The following TNN variants were observed in gnomAD, a reference collection of about 807,000 sequenced individuals.
TNN encodes the protein tenascin-N.
TNN carries 122 observed loss-of-function variants against 134.4 expected under a neutral mutation model. That is an observed-to-expected ratio of 0.91 (90% CI 0.78 to 1.06). TNN has a LOEUF of 1.06. TNN is among the 50% of genes least tolerant of loss of function. The pLI, the probability that TNN is intolerant of heterozygous loss-of-function variation, is 0.00. For missense variants in TNN, 1,739 were observed against 1,699.4 expected, an observed-to-expected ratio of 1.02 and a Z score of -0.41; for synonymous variants, 710 against 670.3, an observed-to-expected ratio of 1.06 and a Z score of -0.91.
chr1:175,079,614 A>G lies in TNN; in HGVS notation c.691A>G (p.Lys231Glu). 6.2e-7 allele frequency: 1 copy of G among 1,600,814 alleles called. No individual in the cohort carries two copies. Among genetic ancestry groups the G allele is most frequent in the South Asian group, 1.1e-5 (1 of 89,120 alleles). ...CTTCATGTCGGAGGACTGCAGCGAG[A>G]AGCGCTGTCCCGGCGACTGCAGCGG... ...EDFMSEDCSE[K>E]RCPGDCSGHG... The change falls in exon 3 of 19, where the codon AAG becomes GAG. Residue 231 changes from lysine to glutamate, a missense_variant. Coordinates refer to ENST00000239462, the MANE Select transcript of TNN (RefSeq NM_022093.2).
chr1:175,125,343 C>T (rs1051685798), intron 12 of TNN, among the ~76,000 whole-genome samples: 4 of 150,776 alleles, frequency 2.7e-5, no homozygotes, highest in Non-Finnish European at 5.9e-5. Context: ...AGAGAAATTT[C>T]CATTCATATC....
At position 175,109,158 on chromosome 1, in the gene TNN, G is replaced by A. The variant is rs1181573711; in HGVS notation, c.2120-7781G>A. ...CTGCGGACTGCAGTGGCGCAATCTC[G>A]GCTCACTGCAAGCTCCGCTTCCCGG... On this transcript the variant is annotated intron_variant, in intron 9 of 18. Transcript: ENST00000239462. Among the ~76,000 whole-genome samples, 13 of 127,850 alleles carry A rather than the reference G, an allele frequency of 1.0e-4. No individual in the cohort carries two copies. The South Asian group carries it at 1.8e-3, about 18-fold the overall frequency. The allele number at this position is 127,850 out of a possible 152,430, so 83.9% of individuals were successfully genotyped here.
chr1:175,115,328 CCTGAGGAG>C (rs879700841), intron 9 of TNN, among the ~76,000 whole-genome samples: 29,806 of 152,064 alleles, frequency 0.2, 3,026 homozygotes, highest in Non-Finnish European at 0.22. Context: ...GGGGAGCTTC[CCTGAGGAG>C]CTGAAACTAG....
At chr1:175,135,724 A>G in intron 15 of TNN, 121 bp from the exon 16 acceptor site, 2 of 739,596 alleles carry the variant, frequency 2.7e-6, no homozygotes, top group Non-Finnish European at 4.8e-6. Flanking sequence ...AAGCCTCTCT[A>G]GAATGAAAGG....
At chr1:175,088,716 A>G (rs1674374403) in intron 6 of TNN, among the ~76,000 whole-genome samples, 1 of 152,196 alleles carries the variant, frequency 6.6e-6, no homozygotes. Context: ...TCTAGCCACA[A>G]ATTAATTTAA....
intron 3 of TNN, 23 bp downstream of exon 3, chr1:175,079,730 G>C: frequency 6.4e-7 from 1 of 1,552,648 alleles, no homozygotes; most frequent in South Asian, 1.2e-5. Context: ...ATGTGCCCTC[G>C]GGCCGCCGGA....
In TNN at chr1:175,128,756, G is replaced by A. The variant is rs200805839; in HGVS notation, c.3330+10G>A. ...CGGAGGTGGCTGGATTGTGAGTCAC[G>A]CAGAACCCTGGGGAGCTCTGTGTAG... On this transcript the variant is annotated intron_variant, in intron 15 of 18. Transcript: ENST00000239462. 7.0e-4 allele frequency: 1,132 copies of A among 1,609,902 alleles called. 11 individuals carry two copies. The highest frequency in any genetic ancestry group is 5.0e-4 in the Middle Eastern group (3 of 5,980).
chr1:175,108,146 A>G (rs549185833), intron 9 of TNN, among the ~76,000 whole-genome samples: 12 of 152,182 alleles, frequency 7.9e-5, no homozygotes, highest in African/African-American at 2.9e-4. Context: ...GCAGCTAGAT[A>G]CGGAGTGTTG....
In TNN at chr1:175,067,843, C is replaced by T. The variant is rs1414746291; in HGVS notation, c.-128C>T. ...AAGGGAAGCCAAGGAGAGACGAGAACCAGGGACGACCAGCAAGTACCAAGG... is the reference window on the plus strand; with the variant it reads ...AAGGGAAGCCAAGGAGAGACGAGAATCAGGGACGACCAGCAAGTACCAAGG... On this transcript the variant is annotated 5_prime_UTR_variant, in exon 1 of 19. Transcript: ENST00000239462. 3 of 495,108 alleles carry T rather than the reference C, an allele frequency of 6.1e-6. No individual in the cohort carries two copies. The highest frequency in any genetic ancestry group is 1.2e-5 in the Non-Finnish European group (3 of 248,596). The allele number at this position is 495,108 out of a possible 1,614,324, so 30.7% of individuals were successfully genotyped here.
intron 16 of TNN, 121 bp downstream of exon 16, chr1:175,136,062 G>C: frequency 1.4e-6 from 1 of 723,904 alleles, no homozygotes; most frequent in Non-Finnish European, 2.5e-6. Context: ...CAGGGAGACA[G>C]AGGACTGTGC....
chr1:175,117,113 CG>C lies in TNN; in HGVS notation c.2297del (p.Gly766AlafsTer2), dbSNP rs1553317394. The C allele has an allele frequency of 1.5e-5, 25 of 1,614,220 alleles. No individual in the cohort carries two copies. In the Middle Eastern group the frequency reaches 3.0e-3, roughly 192 times the overall value. ...AAGGAGCAGAGTAGCACTGTCCTGACGGGCCTGAGGCCGGGTGTGGAGTACA... is the reference window on the plus strand; with the variant it reads ...AAGGAGCAGAGTAGCACTGTCCTGACGGCCTGAGGCCGGGTGTGGAGTACA... Reference protein sequence around the residue: ...VGKEQSSTVLTGLRPGVEYTV... With the variant: ...VGKEQSSTVLXGLRPGVEYTV... On this transcript the variant is annotated frameshift_variant, in exon 10 of 19. Transcript: ENST00000239462. LOFTEE classifies it high-confidence loss of function.
intron 6 of TNN, among the ~76,000 whole-genome samples, chr1:175,087,067 C>G (rs1009890374): frequency 6.6e-6 from 1 of 152,188 alleles, no homozygotes; most frequent in Middle Eastern, 3.2e-3. Flanking sequence ...ACCCAGGATA[C>G]CCAAGTCTAA....
intron 14 of TNN, 72 bp from the exon 15 acceptor site, chr1:175,128,523 A>C: frequency 6.7e-7 from 1 of 1,489,024 alleles, no homozygotes; most frequent in Non-Finnish European, 9.0e-7. Context: ...AAATTGCCTT[A>C]AAATAGGAAG....
At chr1:175,089,094 T>A (rs1574146240) in intron 6 of TNN, among the ~76,000 whole-genome samples, 1 of 152,094 alleles carries the variant, frequency 6.6e-6, no homozygotes, top group African/African-American at 2.4e-5. Context: ...TTTACCAGCA[T>A]CAAAAAGAAA....
intron 9 of TNN, among the ~76,000 whole-genome samples, chr1:175,102,641 C>T (rs1405373681): frequency 4.8e-5 from 7 of 145,880 alleles, no homozygotes; most frequent in African/African-American, 1.2e-4. Flanking sequence ...CCAGCTGGCC[C>T]GCAAGCACCA....
chr1:175,079,263 G>A, intron 2 of TNN, 70 bp from the exon 3 acceptor site: 1 of 1,493,956 alleles, frequency 6.7e-7, no homozygotes, highest in Non-Finnish European at 8.9e-7. Flanking sequence ...TTGCATGGCT[G>A]ATCTCAGAGG....
At chr1:175,129,580 T>C (rs1675625326) in intron 15 of TNN, among the ~76,000 whole-genome samples, 1 of 151,546 alleles carries the variant, frequency 6.6e-6, no homozygotes, top group South Asian at 2.1e-4. Flanking sequence ...TTTACCTTCT[T>C]CAAAGCACTT....
At chr1:175,121,652 G>C (rs1363330163) in intron 11 of TNN, among the ~76,000 whole-genome samples, 1 of 152,168 alleles carries the variant, frequency 6.6e-6, no homozygotes, top group Non-Finnish European at 1.5e-5. Flanking sequence ...AAGCATGATG[G>C]CAAAAGGGAC....
chr1:175,105,393 T>C (rs985979105), intron 9 of TNN, among the ~76,000 whole-genome samples: 1 of 145,424 alleles, frequency 6.9e-6, no homozygotes, highest in Non-Finnish European at 1.5e-5. Context: ...ATTTCTTTGC[T>C]TATTTCCTTC....
Sources: allele counts gnomAD v4.1 joint callset (sites outside exome capture counted in the v4.1 genomes callset), GRCh38; gene constraint gnomAD v4.1.1; transcripts MANE v1.5; gene names NCBI Gene and HGNC (gene_info 2026-07-23, HGNC 2026-07-21).